Variants in UAP1L1 observed in about 807,000 individuals in gnomAD.
The protein encoded by UAP1L1 is UDP-N-acetylglucosamine pyrophosphorylase 1 like 1, also known as UDP-N-acetylhexosamine pyrophosphorylase-like protein 1.
UAP1L1 carries 45 observed loss-of-function variants against 45.3 expected under a neutral mutation model. The observed-to-expected ratio is 0.99, with a 90% confidence interval of 0.78 to 1.27. The LOEUF (loss-of-function observed/expected upper bound fraction) is 1.27. Ranked by LOEUF, UAP1L1 falls within the 50% of genes most tolerant of loss-of-function variation. UAP1L1 has a pLI of 0.00. For missense variants in UAP1L1, 667 were observed against 694.0 expected (o/e 0.96, Z 0.44); for synonymous variants, 323 against 303.9 (o/e 1.06, Z -0.65).
At chr9:137,080,237 G>A (rs966902228) in intron 6 of UAP1L1, 95 bp downstream of exon 6, 1 of 1,512,468 alleles carries the variant, frequency 6.6e-7, no homozygotes. Context: ...AGAGGCTTGA[G>A]GGAGCCAAGG....
rs1832718078 is a variant in UAP1L1, at chr9:137,077,927, G to A, written c.289+106G>A. ...ACTGTAGTTCTCCTCGCTACTTTGAGACGTGTCTCGCCTCACGCGTTCCGG... is the reference window on the plus strand; with the variant it reads ...ACTGTAGTTCTCCTCGCTACTTTGAAACGTGTCTCGCCTCACGCGTTCCGG... On this transcript the variant is annotated intron_variant, in intron 1 of 8. Coordinates refer to ENST00000409858, the MANE Select transcript of UAP1L1 (RefSeq NM_207309.3). This position sits in a 1 kb window ranked among gnomAD's most constrained non-coding sequence, Gnocchi z 4.7. The A allele has an allele frequency of 6.6e-7, 1 of 1,511,038 alleles. No individual in the cohort carries two copies. Among genetic ancestry groups the A allele is most frequent in the African/African-American group, 1.4e-5 (1 of 72,566 alleles). 93.6% of individuals were successfully genotyped at this position (1,511,038 alleles called of 1,614,324 possible).
At position 137,082,314 on chromosome 9, in the gene UAP1L1, C is replaced by G; in HGVS notation, c.1431+250C>G. ...GGTCTGAGCCCAGTGTGGGGCCAGT[C>G]AGGCCTTGGTGGGGGCCTTGCGGAG... On this transcript the variant is annotated intron_variant, in intron 8 of 8. Coordinates refer to ENST00000409858, the MANE Select transcript of UAP1L1 (RefSeq NM_207309.3). This position sits in a 1 kb window ranked among gnomAD's most constrained non-coding sequence, Gnocchi z 5.7. The G allele has an allele frequency of 1.7e-6, 1 of 604,142 alleles. No individual in the cohort carries two copies. The highest frequency in any genetic ancestry group is 2.0e-5 in the South Asian group (1 of 50,440). The allele number at this position is 604,142 out of a possible 1,614,324, so 37.4% of individuals were successfully genotyped here.
At position 137,082,174 on chromosome 9, in the gene UAP1L1, C is replaced by T; in HGVS notation, c.1431+110C>T. On this transcript the variant is annotated intron_variant, in intron 8 of 8. Transcript: ENST00000409858. This position sits in a 1 kb window ranked among gnomAD's most constrained non-coding sequence, Gnocchi z 5.7. ...ACGGCACAGCTCTACCTCGGTTAAC[C>T]AATGGGGTCGGTGGTTTAAATTTGC... 9.2e-7 allele frequency: 1 copy of T among 1,082,364 alleles called. No individual in the cohort carries two copies. Among genetic ancestry groups the T allele is most frequent in the Non-Finnish European group, 1.4e-6 (1 of 699,654 alleles). 67.0% of individuals were successfully genotyped at this position (1,082,364 alleles called of 1,614,324 possible).
In UAP1L1 at chr9:137,082,141, G is replaced by A. The variant is rs141051691; in HGVS notation, c.1431+77G>A. 42 of 1,386,030 alleles carry A rather than the reference G, an allele frequency of 3.0e-5. No homozygotes were observed. The highest frequency in any genetic ancestry group is 4.1e-5 in the Non-Finnish European group (40 of 972,310). The allele number at this position is 1,386,030 out of a possible 1,614,324, so 85.9% of individuals were successfully genotyped here. On this transcript the variant is annotated intron_variant, in intron 8 of 8. Coordinates refer to ENST00000409858, the MANE Select transcript of UAP1L1 (RefSeq NM_207309.3). The surrounding 1 kb of genome is among the most constrained non-coding windows in gnomAD (Gnocchi z 5.7). Reference sequence around the variant, plus strand: ...ACCATCTGGGGAGAGGTGGCTGCTCGGGTGGAGACGGCACAGCTCTACCTC... The same window carrying A: ...ACCATCTGGGGAGAGGTGGCTGCTCAGGTGGAGACGGCACAGCTCTACCTC...
chr9:137,082,774 G>A lies in UAP1L1; in HGVS notation c.*45G>A, dbSNP rs761956163. 39 of 1,492,204 alleles carry A rather than the reference G, an allele frequency of 2.6e-5. No homozygotes were observed. The highest frequency in any genetic ancestry group is 1.8e-4 in the South Asian group (15 of 82,478). The allele number at this position is 1,492,204 out of a possible 1,614,324, so 92.4% of individuals were successfully genotyped here. A position where few individuals can be genotyped will look rare whatever the true frequency, so the allele number is the denominator to read the frequency against. ...GACTCCCCCGAGACCTGCCAGCCCCGGCATCCTGGAAGTCCCGACTCCCCC... is the reference window on the plus strand; with the variant it reads ...GACTCCCCCGAGACCTGCCAGCCCCAGCATCCTGGAAGTCCCGACTCCCCC... On this transcript the variant is annotated 3_prime_UTR_variant, in exon 9 of 9. Transcript: ENST00000409858. The surrounding 1 kb of genome is among the most constrained non-coding windows in gnomAD (Gnocchi z 5.7).
At chr9:137,079,558 A>T in intron 5 of UAP1L1, 109 bp downstream of exon 5, 1 of 1,131,926 alleles carries the variant, frequency 8.8e-7, no homozygotes. Context: ...GGCTGTGGTC[A>T]GGAGTGGCTG....
In UAP1L1 at chr9:137,080,772, G is replaced by C. The variant is rs546839127; in HGVS notation, c.1262G>C (p.Arg421Pro). The C allele has an allele frequency of 2.5e-6, 4 of 1,612,732 alleles. No individual in the cohort carries two copies. Among genetic ancestry groups the C allele is most frequent in the Non-Finnish European group, 3.4e-6 (4 of 1,179,942 alleles). ...NAEPADRDSP[R>P]TARQALLTQH... ...GAGCCAGCCGACAGGGACAGTCCCC[G>C]CACCGCTCGCCAGGCCCTGCTCACC... The change falls in exon 7 of 9, where the codon CGC (arginine) becomes CCC (proline). Residue 421 changes from arginine (R) to proline (P), a missense_variant. By Grantham distance (103) the Arg-to-Pro change is moderately radical. Transcript: ENST00000409858.
intron 3 of UAP1L1, 22 bp downstream of exon 3, chr9:137,078,699 G>T: frequency 6.2e-7 from 1 of 1,601,002 alleles, no homozygotes; most frequent in South Asian, 1.1e-5. Context: ...TCCTGAGACG[G>T]GGAGGGACCG....
At chr9:137,079,806 G>T (rs1396573070) in intron 5 of UAP1L1, 196 bp from the exon 6 acceptor site, 5 of 662,166 alleles carry the variant, frequency 7.6e-6, no homozygotes, top group African/African-American at 1.8e-5. Flanking sequence ...CTGGCACTTG[G>T]CACAGGGATG....
At chr9:137,078,861 C>A in intron 3 of UAP1L1, 115 bp from the exon 4 acceptor site, 1 of 1,371,424 alleles carries the variant, frequency 7.3e-7, no homozygotes, top group Non-Finnish European at 9.8e-7. Flanking sequence ...TGGTTAGTGA[C>A]CAGGGCTGCC....
chr9:137,078,016 C>A (rs1035712959), intron 1 of UAP1L1, 34 bp from the exon 2 acceptor site: 1 of 1,542,806 alleles, frequency 6.5e-7, no homozygotes, highest in African/African-American at 1.4e-5. Flanking sequence ...GTGGGCGGGT[C>A]CCGGGCGTCC....
At position 137,081,887 on chromosome 9, in the gene UAP1L1, G is replaced by C. The variant is rs983025440; in HGVS notation, c.1365-111G>C. 17 of 997,516 alleles carry C rather than the reference G, an allele frequency of 1.7e-5. No individual in the cohort carries two copies. The East Asian group carries it at 2.4e-4, about 14-fold the overall frequency. The allele number at this position is 997,516 out of a possible 1,614,324, so 61.8% of individuals were successfully genotyped here. ...GGAAGATGAGCTTGCTGAGACAGGA[G>C]CTGTGGGGAGCCAGGTGTGTAGAGC... is the stretch of plus-strand genomic sequence containing the variant. On this transcript the variant is annotated intron_variant, in intron 7 of 8. Transcript: ENST00000409858.
intron 6 of UAP1L1, 32 bp from the exon 7 acceptor site, chr9:137,080,657 G>C (rs763068986): frequency 1.3e-6 from 2 of 1,584,558 alleles, no homozygotes; most frequent in Non-Finnish European, 1.7e-6. Flanking sequence ...CCTCTGTGCT[G>C]GGACGTGGGT....
At chr9:137,079,948 G>A (rs959309378) in intron 5 of UAP1L1, 54 bp from the exon 6 acceptor site, 16 of 1,602,876 alleles carry the variant, frequency 1.0e-5, no homozygotes, top group Non-Finnish European at 1.1e-5. Context: ...AGAGCCCCCA[G>A]CGGTGCCATA....
In UAP1L1 at chr9:137,079,020, C is replaced by G. The variant is rs1001615257; in HGVS notation, c.715C>G (p.Leu239Val). Residue 239 changes from leucine (L) to valine (V), a missense_variant, in exon 4 of 9, where the codon CTG becomes GTG. Physicochemically the swap from Leu to Val is conservative, Grantham distance 32. Transcript: ENST00000409858. ...CTGCGCGCTGGAGGACCACAAGATCCTGGAGGACATGGAGCGCCGGGGAGT... is the reference window on the plus strand; with the variant it reads ...CTGCGCGCTGGAGGACCACAAGATCGTGGAGGACATGGAGCGCCGGGGAGT... ...LYCALEDHKILEDMERRGVEF... is the reference protein window; with the variant it reads ...LYCALEDHKIVEDMERRGVEF... 1 of 1,604,310 alleles carries G rather than the reference C, an allele frequency of 6.2e-7. No homozygotes were observed. The highest frequency in any genetic ancestry group is 1.8e-5 in the Admixed American group (1 of 56,134).
chr9:137,081,482 A>T (rs1184036145), intron 7 of UAP1L1, among the ~76,000 whole-genome samples: 1 of 151,496 alleles, frequency 6.6e-6, no homozygotes, highest in East Asian at 1.9e-4. Flanking sequence ...AAGTGCTGGG[A>T]TTACAGGCGT....
chr9:137,079,895 G>A, intron 5 of UAP1L1, 107 bp from the exon 6 acceptor site: 4 of 1,377,320 alleles, frequency 2.9e-6, no homozygotes, highest in Middle Eastern at 2.6e-4. Flanking sequence ...GTGTCCTTCT[G>A]CCATCCTGTC....
rs116670350 is a variant in UAP1L1 at position 137,081,679 on chromosome 9, C to T, written c.1365-319C>T. Among the ~76,000 whole-genome samples the T allele has an allele frequency of 3.1e-3, 469 of 152,258 alleles. 2 individuals carry two copies. The highest frequency in any genetic ancestry group is 0.011 in the African/African-American group (451 of 41,534). On this transcript the variant is annotated intron_variant, in intron 7 of 8. Transcript: ENST00000409858. ...GGCATGAATTTAGAAAGTAGCAGGACAGTTTGATTTCAGGGCTGGGAAAGA... is the reference window on the plus strand; with the variant it reads ...GGCATGAATTTAGAAAGTAGCAGGATAGTTTGATTTCAGGGCTGGGAAAGA...
chr9:137,079,004 G>A lies in UAP1L1; in HGVS notation c.699G>A (p.Leu233=), dbSNP rs1418331248. 1 of 1,600,270 alleles carries A rather than the reference G, an allele frequency of 6.2e-7. No individual in the cohort carries two copies. The highest frequency in any genetic ancestry group is 1.3e-5 in the African/African-American group (1 of 74,090). ...GCAACGGGGGCCTCTACTGCGCGCT[G>A]GAGGACCACAAGATCCTGGAGGACA... The part of the protein sequence containing the change: ...PDGNGGLYCA[L]EDHKILEDME... Residue 233 remains leucine (L), a synonymous_variant, in exon 4 of 9, where the codon CTG becomes CTA. Coordinates refer to ENST00000409858, the MANE Select transcript of UAP1L1 (RefSeq NM_207309.3).
Sources: allele counts gnomAD v4.1 joint callset (sites outside exome capture counted in the v4.1 genomes callset), GRCh38; gene constraint gnomAD v4.1.1; non-coding constraint Gnocchi (gnomAD v3.1); transcripts MANE v1.5; gene names NCBI Gene and HGNC (gene_info 2026-07-23, HGNC 2026-07-21).